PHF6: variants seen among roughly 807,000 people sequenced by gnomAD.
The protein encoded by PHF6 is PHD finger protein 6.
PHF6 carries 7 observed loss-of-function variants against 34.0 expected under a neutral mutation model. The ratio of observed to expected loss-of-function variants is 0.21; its 90% CI spans 0.12 to 0.39. The LOEUF (loss-of-function observed/expected upper bound fraction) is 0.39. Among genes scored for constraint, PHF6 ranks in the 10% least tolerant of loss-of-function variants. The pLI is 1.00. For missense variants in PHF6, 128 were observed against 262.8 expected, an observed-to-expected ratio of 0.49 and a Z score of 3.55; for synonymous variants, 89 against 88.4, an observed-to-expected ratio of 1.01 and a Z score of -0.04.
intron 5 of PHF6, among the ~76,000 whole-genome samples, chrX:134,408,901 A>G (rs774588075): frequency 1.3e-4 from 15 of 111,237 alleles, no homozygotes; most frequent in Non-Finnish European, 2.8e-4. Flanking sequence ...TTTGGTAGAG[A>G]CGGGGTTTTG....
intron 1 of PHF6, among the ~76,000 whole-genome samples, chrX:134,375,544 C>T (rs1477212834): frequency 9.0e-6 from 1 of 111,374 alleles, no homozygotes; most frequent in East Asian, 2.8e-4. Context: ...GCTTTATAGC[C>T]AGTGCTAGGA....
chrX:134,377,764 A>G lies in PHF6; in HGVS notation c.138+9A>G, dbSNP rs765201747. The stretch of plus-strand genomic sequence containing the variant: ...CGCACCATAAGTGCATGGTAAGTAT[A>G]CCGGCAGCAACAGAGACCTTGAAAC... On this transcript the variant is annotated intron_variant, in intron 2 of 10. Coordinates refer to ENST00000370803, the MANE Select transcript of PHF6 (RefSeq NM_001015877.2). The G allele has an allele frequency of 1.7e-6, 2 of 1,206,359 alleles. No homozygotes were observed. Among genetic ancestry groups the G allele is most frequent in the South Asian group, 1.8e-5 (1 of 56,827 alleles).
intron 5 of PHF6, among the ~76,000 whole-genome samples, chrX:134,401,559 GAGAA>G (rs1485375655): frequency 2.7e-5 from 3 of 112,150 alleles, no homozygotes; most frequent in African/African-American, 9.7e-5. Context: ...GATATTGAGA[GAGAA>G]TGAATGATAA....
intron 5 of PHF6, 33 bp from the exon 6 acceptor site, chrX:134,413,458 G>T (rs751047756): frequency 1.7e-6 from 2 of 1,195,949 alleles, no homozygotes; most frequent in Non-Finnish European, 2.3e-6. Context: ...TTTGAGATTG[G>T]TCCATAAAAA....
intron 5 of PHF6, among the ~76,000 whole-genome samples, chrX:134,403,919 A>C (rs113049036): frequency 9.0e-6 from 1 of 110,891 alleles, no homozygotes; most frequent in Non-Finnish European, 1.9e-5. Context: ...ATTCCTTTCA[A>C]AATATTACTG....
At chrX:134,387,930 A>G (rs1296208902) in intron 3 of PHF6, among the ~76,000 whole-genome samples, 1 of 111,690 alleles carries the variant, frequency 9.0e-6, no homozygotes, top group East Asian at 2.8e-4. Flanking sequence ...CTGGCTTTCC[A>G]TTTAAACCTT....
intron 5 of PHF6, among the ~76,000 whole-genome samples, chrX:134,409,998 G>A (rs190127938): frequency 8.1e-5 from 9 of 111,568 alleles, no homozygotes; most frequent in Non-Finnish European, 1.5e-4. Context: ...CATGTAGCAG[G>A]GTATTCCACA....
intron 5 of PHF6, among the ~76,000 whole-genome samples, chrX:134,400,674 G>C (rs1301286414): frequency 9.0e-6 from 1 of 110,876 alleles, no homozygotes; most frequent in Non-Finnish European, 1.9e-5. Flanking sequence ...GAATAGCTCT[G>C]AAGACTGGGA....
chrX:134,415,336 GAGA>G (rs898264095), intron 8 of PHF6: 6 of 533,008 alleles, frequency 1.1e-5, no homozygotes, highest in African/African-American at 7.1e-5. Context: ...GAATTATACT[GAGA>G]AGATTTATAT....
At chrX:134,404,975 A>T (rs1246303039) in intron 5 of PHF6, among the ~76,000 whole-genome samples, 1 of 111,935 alleles carries the variant, frequency 8.9e-6, no homozygotes, top group Non-Finnish European at 1.9e-5. Context: ...CTTTATTGCG[A>T]TAACTTGCTT....
chrX:134,413,245 A>G (rs1317836031), intron 5 of PHF6, among the ~76,000 whole-genome samples: 1 of 111,643 alleles, frequency 9.0e-6, no homozygotes, highest in East Asian at 2.8e-4. Flanking sequence ...ACTCTTTGAA[A>G]CCTATGGTAA....
intron 3 of PHF6, 120 bp downstream of exon 3, chrX:134,378,226 CT>C (rs1271142117): frequency 0.023 from 6,960 of 308,253 alleles, no homozygotes; most frequent in East Asian, 0.032. Flanking sequence ...GCAGGCTTTT[CT>C]TTTTTTTTTT....
At chrX:134,402,234 T>TC (rs2124232030) in intron 5 of PHF6, among the ~76,000 whole-genome samples, 1 of 112,447 alleles carries the variant, frequency 8.9e-6, no homozygotes, top group East Asian at 2.8e-4. Context: ...GACCTCGTGA[T>TC]CCGCCCACCT....
chrX:134,415,941 C>A (rs1006550552), intron 8 of PHF6, among the ~76,000 whole-genome samples: 1 of 110,820 alleles, frequency 9.0e-6, no homozygotes, highest in South Asian at 3.8e-4. Flanking sequence ...TTATACCTTA[C>A]AATTTTTTTG....
chrX:134,414,260 T>C (rs757267769), intron 7 of PHF6, among the ~76,000 whole-genome samples: 1 of 111,772 alleles, frequency 8.9e-6, no homozygotes, highest in African/African-American at 3.2e-5. Flanking sequence ...TTCATAACTA[T>C]AAAAATTTTG....
intron 5 of PHF6, among the ~76,000 whole-genome samples, chrX:134,404,267 C>CT (rs1262587435): frequency 2.9e-4 from 33 of 111,923 alleles, no homozygotes; most frequent in African/African-American, 9.4e-4. Context: ...TTATTCCAAC[C>CT]CTCACGGATT....
chrX:134,389,956 G>A (rs887232044), intron 3 of PHF6, among the ~76,000 whole-genome samples: 1 of 111,453 alleles, frequency 9.0e-6, no homozygotes, highest in African/African-American at 3.3e-5. Flanking sequence ...GTAAGGCACA[G>A]TGTTACTCTT....
chrX:134,406,384 A>C (rs1394066925), intron 5 of PHF6, among the ~76,000 whole-genome samples: 1 of 111,752 alleles, frequency 8.9e-6, no homozygotes. Flanking sequence ...AAGACCTAGT[A>C]AGTGGCAATT....
At chrX:134,405,671 A>T (rs1428297329) in intron 5 of PHF6, among the ~76,000 whole-genome samples, 1 of 110,720 alleles carries the variant, frequency 9.0e-6, no homozygotes, top group Non-Finnish European at 1.9e-5. Context: ...CACTTTCTTC[A>T]TTTGGATTAT....
Sources: allele counts gnomAD v4.1 joint callset (sites outside exome capture counted in the v4.1 genomes callset), GRCh38; gene constraint gnomAD v4.1.1; transcripts MANE v1.5; gene names NCBI Gene and HGNC (gene_info 2026-07-23, HGNC 2026-07-21).